Variants in GSE1 observed in about 807,000 individuals in gnomAD.
GSE1 encodes the protein genetic suppressor element 1.
GSE1 carries 32 observed loss-of-function variants against 112.6 expected under a neutral mutation model. The observed-to-expected ratio is 0.28, with a 90% CI of 0.21 to 0.38. The LOEUF is 0.38. GSE1 is among the 10% of genes least tolerant of loss of function. The pLI is 1.00. For synonymous variants in GSE1, 1,115 were observed against 735.6 expected, an observed-to-expected ratio of 1.52 and a Z score of -8.35; for missense variants, 2,348 against 1,699.2, an observed-to-expected ratio of 1.38 and a Z score of -6.71.
At chr16:85,607,960 C>T (rs75804642), upstream of GSE1, among the ~76,000 whole-genome samples, 509 of 152,272 alleles carry the variant, frequency 3.3e-3, 5 homozygotes, top group African/African-American at 0.011. Flanking sequence ...GAGACCTTGG[C>T]TCCGTAAGGG....
chr16:85,352,888 G>A (rs1269737017), intron 1 of GSE1, among the ~76,000 whole-genome samples: 2 of 152,336 alleles, frequency 1.3e-5, no homozygotes, highest in East Asian at 3.9e-4. Context: ...CCAGGGGAGG[G>A]ACTGGCACCT....
At chr16:85,380,974 T>C (rs1163368288) in intron 2 of GSE1, among the ~76,000 whole-genome samples, 1 of 152,228 alleles carries the variant, frequency 6.6e-6, no homozygotes, top group East Asian at 1.9e-4. Flanking sequence ...TAACACAAAA[T>C]TAACTGGAAG....
At chr16:85,529,610 G>A (rs918035175) in intron 2 of GSE1, among the ~76,000 whole-genome samples, 21 of 152,266 alleles carry the variant, frequency 1.4e-4, no homozygotes, top group African/African-American at 4.3e-4. Flanking sequence ...CCCCCACTAC[G>A]GGGCCCCTTT....
intron 1 of GSE1, among the ~76,000 whole-genome samples, chr16:85,243,673 G>A (rs1049909295): frequency 3.9e-5 from 6 of 152,240 alleles, no homozygotes; most frequent in Admixed American, 2.6e-4. Context: ...CTGGTGCGCC[G>A]TGGTTTGTCC....
At chr16:85,408,356 C>G (rs1251016363) in intron 2 of GSE1, among the ~76,000 whole-genome samples, 7 of 7,982 alleles carry the variant, frequency 8.8e-4, no homozygotes, top group Non-Finnish European at 1.4e-3. Flanking sequence ...TACTCTCAGG[C>G]CCCCCGGATA....
chr16:85,651,031 T>TCCCCCTCCCCCTCCGCCCCTCCC (rs2051295923), intron 3 of GSE1, among the ~76,000 whole-genome samples: 1 of 104,064 alleles, frequency 9.6e-6, no homozygotes, highest in Non-Finnish European at 1.9e-5. Flanking sequence ...GATTTGCTCC[T>TCCCCCTCCCCCTCCGCCCCTCCC]CCCCCTCCCC....
intron 2 of GSE1, among the ~76,000 whole-genome samples, chr16:85,475,535 T>G (rs554361028): frequency 6.6e-6 from 1 of 152,330 alleles, no homozygotes; most frequent in Admixed American, 6.5e-5. Flanking sequence ...GAGTGATGAT[T>G]TATCACGATG....
chr16:85,313,988 A>ATG (rs375083956), intron 1 of GSE1, among the ~76,000 whole-genome samples: 3 of 135,860 alleles, frequency 2.2e-5, no homozygotes, highest in Non-Finnish European at 4.6e-5. Context: ...TAGTGTGTGT[A>ATG]TGTGTGTGTG....
chr16:85,301,479 C>G (rs1457626836), intron 1 of GSE1, among the ~76,000 whole-genome samples: 1 of 152,202 alleles, frequency 6.6e-6, no homozygotes, highest in African/African-American at 2.4e-5. Context: ...GCAAGCCACA[C>G]TTGAGATAAA....
intron 1 of GSE1, among the ~76,000 whole-genome samples, chr16:85,588,258 T>C (rs987814263): frequency 9.8e-5 from 15 of 152,330 alleles, no homozygotes; most frequent in Non-Finnish European, 1.8e-4. Flanking sequence ...CTGCATTCCC[T>C]ACATGGCATC....
chr16:85,418,895 A>G (rs750607397), intron 2 of GSE1, among the ~76,000 whole-genome samples: 3 of 152,146 alleles, frequency 2.0e-5, no homozygotes, highest in Non-Finnish European at 2.9e-5. Context: ...GGAGAGAGAG[A>G]GAACCTTAGA....
chr16:85,420,690 C>G (rs968226872), intron 2 of GSE1, among the ~76,000 whole-genome samples: 1 of 152,208 alleles, frequency 6.6e-6, no homozygotes, highest in African/African-American at 2.4e-5. Context: ...ATGACCACAC[C>G]TGTGATCCGT....
chr16:85,579,734 T>C (rs977522964), intron 1 of GSE1, among the ~76,000 whole-genome samples: 1 of 152,212 alleles, frequency 6.6e-6, no homozygotes, highest in African/African-American at 2.4e-5. Flanking sequence ...GAAAGTTCCT[T>C]TTCGGTCTGG....
At chr16:85,574,918 C>G (rs1598244254) in intron 1 of GSE1, among the ~76,000 whole-genome samples, 1 of 152,298 alleles carries the variant, frequency 6.6e-6, no homozygotes, top group East Asian at 1.9e-4. Flanking sequence ...TAACCCTGAG[C>G]GTCCCCTCTT....
At chr16:85,645,433 A>C (rs1218449539) in intron 2 of GSE1, among the ~76,000 whole-genome samples, 2 of 152,156 alleles carry the variant, frequency 1.3e-5, no homozygotes, top group African/African-American at 4.8e-5. Context: ...ACACAAGCCC[A>C]GGAAACCACA....
At chr16:85,304,839 G>C (rs1172164299) in intron 1 of GSE1, among the ~76,000 whole-genome samples, 1 of 152,174 alleles carries the variant, frequency 6.6e-6, no homozygotes, top group Non-Finnish European at 1.5e-5. Context: ...AACCAGCGTT[G>C]TTCATTGCTG....
intron 14 of GSE1, chr16:85,670,703 T>C (rs1019405222): frequency 1.0e-5 from 2 of 193,050 alleles, no homozygotes; most frequent in Non-Finnish European, 1.0e-5. Flanking sequence ...TTTTTTTTTT[T>C]GAAAGCTGCA....
chr16:85,665,962 T>G lies in GSE1; in HGVS notation c.2759-14T>G. Reference sequence around the variant, plus strand: ...TGCATTTCTTAATATTTTCCTTCACTTTGTCTCTAAAAGAACCAGCCACGC... The same window carrying G: ...TGCATTTCTTAATATTTTCCTTCACGTTGTCTCTAAAAGAACCAGCCACGC... On this transcript the variant is annotated splice_polypyrimidine_tract_variant and intron_variant, in intron 12 of 15. Transcript: ENST00000253458. 1 of 1,612,392 alleles carries G rather than the reference T, an allele frequency of 6.2e-7. No individual in the cohort carries two copies. The highest frequency in any genetic ancestry group is 1.3e-5 in the African/African-American group (1 of 75,038).
intron 1 of GSE1, among the ~76,000 whole-genome samples, chr16:85,571,718 G>A (rs1309339052): frequency 6.6e-6 from 1 of 152,230 alleles, no homozygotes; most frequent in East Asian, 1.9e-4. Context: ...GTCAGAGACT[G>A]CAGGAGGCCC....
Sources: allele counts gnomAD v4.1 joint callset (sites outside exome capture counted in the v4.1 genomes callset), GRCh38; gene constraint gnomAD v4.1.1; transcripts MANE v1.5; gene names NCBI Gene and HGNC (gene_info 2026-07-23, HGNC 2026-07-21).